Variants in CCSER2 observed in about 807,000 individuals in gnomAD.
CCSER2 encodes the protein coiled-coil serine rich protein 2.
Under a neutral mutation model 92.3 loss-of-function variants are expected in CCSER2, and 46 were observed. That is an observed-to-expected ratio of 0.50 (90% CI 0.39 to 0.64). The LOEUF (loss-of-function observed/expected upper bound fraction) is 0.64. Ranked by LOEUF, CCSER2 falls within the 30% of genes least tolerant of loss-of-function variation. The pLI is 0.00. For missense variants in CCSER2, 1,244 were observed against 1,238.9 expected, an observed-to-expected ratio of 1.00 and a Z score of -0.06; for synonymous variants, 433 against 431.4, an observed-to-expected ratio of 1.00 and a Z score of -0.04.
At chr10:84,348,771 G>C (rs185765891) in intron 1 of CCSER2, among the ~76,000 whole-genome samples, 1 of 152,226 alleles carries the variant, frequency 6.6e-6, no homozygotes, top group Non-Finnish European at 1.5e-5. Context: ...TATACTCAGA[G>C]AAATGTTGCA....
intron 9 of CCSER2, among the ~76,000 whole-genome samples, chr10:84,487,957 T>G (rs542122902): frequency 1.3e-5 from 2 of 152,376 alleles, no homozygotes; most frequent in East Asian, 3.9e-4. Context: ...GAAGCGCTGT[T>G]GAATTTTGTC....
At chr10:84,446,980 A>G (rs1197043678) in intron 6 of CCSER2, among the ~76,000 whole-genome samples, 2 of 150,862 alleles carry the variant, frequency 1.3e-5, no homozygotes, top group African/African-American at 4.9e-5. Flanking sequence ...TGAACGAAAC[A>G]TAATATCTTT....
intron 9 of CCSER2, among the ~76,000 whole-genome samples, chr10:84,487,073 T>C (rs1847851111): frequency 6.6e-6 from 1 of 152,228 alleles, no homozygotes; most frequent in Admixed American, 6.5e-5. Context: ...GTATTATTTC[T>C]GAGGGCTCTG....
chr10:84,438,732 G>T, intron 6 of CCSER2, 25 bp downstream of exon 6: 3 of 1,411,968 alleles, frequency 2.1e-6, no homozygotes, highest in Non-Finnish European at 2.9e-6. Flanking sequence ...AACATTTCCA[G>T]CTCTGATATT....
chr10:84,346,264 A>G (rs901207233), intron 1 of CCSER2, among the ~76,000 whole-genome samples: 3 of 152,026 alleles, frequency 2.0e-5, no homozygotes, highest in African/African-American at 4.8e-5. Flanking sequence ...GGGTTTCTCT[A>G]TGTTGGTCAG....
At chr10:84,405,008 A>T (rs553574075) in intron 3 of CCSER2, among the ~76,000 whole-genome samples, 25 of 152,316 alleles carry the variant, frequency 1.6e-4, no homozygotes, top group African/African-American at 5.8e-4. Flanking sequence ...TCAGAATCCC[A>T]GCAGGAGTAC....
chr10:84,353,000 C>A lies in CCSER2; in HGVS notation c.-39-18014C>A, dbSNP rs922616186. Among the ~76,000 whole-genome samples the A allele has an allele frequency of 2.0e-5, 3 of 152,130 alleles. No homozygotes were observed. The East Asian group carries it at 5.8e-4, about 29-fold the overall frequency. On this transcript the variant is annotated intron_variant, in intron 1 of 9. Coordinates refer to ENST00000372088, the MANE Select transcript of CCSER2 (RefSeq NM_001284240.2). ...ACAGATAGGGTTTTACCATGTTGGC[C>A]AGGCTGGTCTCGAACTCCTGACCTC...
chr10:84,340,178 C>T (rs938888759), intron 1 of CCSER2, among the ~76,000 whole-genome samples: 2 of 152,202 alleles, frequency 1.3e-5, no homozygotes, highest in South Asian at 2.1e-4. Flanking sequence ...ACATAGATGC[C>T]TCTTCTTCCA....
At chr10:84,348,344 C>A (rs537601073) in intron 1 of CCSER2, among the ~76,000 whole-genome samples, 1 of 152,152 alleles carries the variant, frequency 6.6e-6, no homozygotes, top group East Asian at 1.9e-4. Context: ...CGCAGGCACT[C>A]GGCAGGCTGA....
chr10:84,427,158 A>G lies in CCSER2; in HGVS notation c.1868+1265A>G, dbSNP rs202241345. Among the ~76,000 whole-genome samples the G allele has an allele frequency of 3.3e-5, 5 of 152,314 alleles. No individual in the cohort carries two copies. The East Asian group carries it at 9.6e-4, about 29-fold the overall frequency. On this transcript the variant is annotated intron_variant, in intron 5 of 9. Coordinates refer to ENST00000372088, the MANE Select transcript of CCSER2 (RefSeq NM_001284240.2). ...TCCACATGAGTGATTCTTACTGAGG[A>G]GGGAAAAATGCACAGCATTCTTAGG...
At chr10:84,343,070 A>C (rs1408255406) in intron 1 of CCSER2, among the ~76,000 whole-genome samples, 1 of 152,042 alleles carries the variant, frequency 6.6e-6, no homozygotes, top group African/African-American at 2.4e-5. Context: ...TCCGGGGTTT[A>C]CCATGTTGGC....
At chr10:84,367,656 C>T (rs1845847915) in intron 1 of CCSER2, among the ~76,000 whole-genome samples, 1 of 151,514 alleles carries the variant, frequency 6.6e-6, no homozygotes, top group Admixed American at 6.6e-5. Context: ...CTCTTGTTAC[C>T]TTAAGATTTT....
At chr10:84,513,362 G>T in intron 9 of CCSER2, 87 bp from the exon 10 acceptor site, 1 of 1,019,634 alleles carries the variant, frequency 9.8e-7, no homozygotes, top group Non-Finnish European at 1.5e-6. Flanking sequence ...GCCATAATAA[G>T]TACCAACACA....
At chr10:84,513,411 T>C (rs750828841) in intron 9 of CCSER2, 38 bp from the exon 10 acceptor site, 2 of 1,476,294 alleles carry the variant, frequency 1.4e-6, no homozygotes, top group East Asian at 2.3e-5. Flanking sequence ...GTGGAATTTC[T>C]AAGAACTTGC....
chr10:84,479,865 G>A (rs1321456096), intron 9 of CCSER2, among the ~76,000 whole-genome samples: 1 of 152,098 alleles, frequency 6.6e-6, no homozygotes, highest in African/African-American at 2.4e-5. Context: ...AGAAGGAATA[G>A]AGAAGAGAAA....
intron 3 of CCSER2, among the ~76,000 whole-genome samples, chr10:84,377,118 T>C (rs1846381277): frequency 6.6e-6 from 1 of 152,162 alleles, no homozygotes. Context: ...TTTATATATG[T>C]AGAGTGTATT....
intron 3 of CCSER2, among the ~76,000 whole-genome samples, chr10:84,396,874 CT>C (rs1296832495): frequency 1.3e-5 from 2 of 152,200 alleles, no homozygotes; most frequent in East Asian, 3.9e-4. Context: ...CTGTATACTA[CT>C]TATTTTGTAG....
intron 9 of CCSER2, among the ~76,000 whole-genome samples, chr10:84,489,567 CT>C (rs1309062976): frequency 6.6e-6 from 1 of 151,944 alleles, no homozygotes; most frequent in Non-Finnish European, 1.5e-5. Context: ...CAACCCCTAA[CT>C]TTTTTTTGTT....
intron 9 of CCSER2, among the ~76,000 whole-genome samples, chr10:84,483,108 AC>A (rs35450576): frequency 0.57 from 86,047 of 151,994 alleles, 27,059 homozygotes; most frequent in East Asian, 0.74. Context: ...ATTGTCAACC[AC>A]CCTTTTTGTG....
Sources: gnomAD v4.1 joint callset for allele counts (sites outside exome capture counted in the v4.1 genomes callset) on GRCh38, gnomAD v4.1.1 for gene constraint, MANE v1.5 for transcripts, NCBI Gene and HGNC (gene_info 2026-07-23, HGNC 2026-07-21) for gene names.